The following ADGRL2 variants were observed in gnomAD, a reference collection of about 807,000 sequenced individuals.
ADGRL2 encodes calcium-independent alpha-latrotoxin receptor 2.
A neutral mutation model predicts 157.4 loss-of-function variants in ADGRL2; 44 were observed. The ratio of observed to expected loss-of-function variants is 0.28; its 90% CI spans 0.22 to 0.36. The LOEUF is 0.36. ADGRL2 is among the 10% of genes least tolerant of loss of function. The pLI is 1.00. For missense variants in ADGRL2, 1,510 were observed against 1,768.9 expected (o/e 0.85, Z 2.63); for synonymous variants, 585 against 624.7 (o/e 0.94, Z 0.95).
intron 2 of ADGRL2, among the ~76,000 whole-genome samples, chr1:81,560,368 A>G (rs558125797): frequency 4.8e-4 from 73 of 152,302 alleles, no homozygotes; most frequent in Non-Finnish European, 8.2e-4. Context: ...AAAATAGGAA[A>G]ACTATAGCCT....
chr1:81,786,163 T>C (rs1200228765), intron 2 of ADGRL2, among the ~76,000 whole-genome samples: 3 of 152,142 alleles, frequency 2.0e-5, no homozygotes, highest in African/African-American at 7.2e-5. Context: ...TGTTGGCCTA[T>C]AATCATGCTA....
intron 18 of ADGRL2, chr1:81,981,172 G>T: frequency 2.6e-6 from 1 of 381,228 alleles, no homozygotes; most frequent in South Asian, 2.3e-5. Context: ...AGTTAGACAT[G>T]GAATGCACTG....
chr1:81,849,859 A>G (rs2092934469), intron 2 of ADGRL2, among the ~76,000 whole-genome samples: 1 of 151,944 alleles, frequency 6.6e-6, no homozygotes, highest in Admixed American at 6.6e-5. Context: ...GCATAGATTT[A>G]GAAGATAAAT....
rs533352900 is a variant in ADGRL2 at position 81,561,815 on chromosome 1, A to G, written c.-247-19061A>G. ...ATATCACTTTGATTATAGGATTTTC[A>G]TGAAACAATTACTGCTCTATGTCCT... On this transcript the variant is annotated intron_variant, in intron 2 of 24. Coordinates refer to the ADGRL2 transcript ENST00000370721. Among the ~76,000 whole-genome samples the G allele has an allele frequency of 2.6e-5, 4 of 152,210 alleles. No homozygotes were observed. The East Asian group carries it at 7.7e-4, about 29-fold the overall frequency.
At chr1:81,817,666 A>G (rs192955935) in intron 1 of ADGRL2, among the ~76,000 whole-genome samples, 3 of 152,224 alleles carry the variant, frequency 2.0e-5, no homozygotes, top group Admixed American at 2.0e-4. Context: ...TTTTATTTAT[A>G]GGGTGTAATA....
intron 2 of ADGRL2, among the ~76,000 whole-genome samples, chr1:81,523,428 CAGAG>C (rs1415169725): frequency 2.0e-5 from 3 of 151,290 alleles, no homozygotes; most frequent in Admixed American, 6.6e-5. Context: ...TACACACACA[CAGAG>C]AGAGAGAGAA....
chr1:81,762,521 A>T (rs1281938165), intron 2 of ADGRL2, among the ~76,000 whole-genome samples: 1 of 152,132 alleles, frequency 6.6e-6, no homozygotes, highest in Non-Finnish European at 1.5e-5. Flanking sequence ...GTGTAAAATG[A>T]TATTTCCTAG....
At chr1:81,902,879 T>C (rs190713916) in intron 2 of ADGRL2, among the ~76,000 whole-genome samples, 2 of 152,240 alleles carry the variant, frequency 1.3e-5, no homozygotes. Flanking sequence ...CATGGACTTT[T>C]GAAAATTATT....
At chr1:81,405,179 G>T (rs988447712) in intron 1 of ADGRL2, among the ~76,000 whole-genome samples, 1 of 152,140 alleles carries the variant, frequency 6.6e-6, no homozygotes, top group African/African-American at 2.4e-5. Flanking sequence ...TGCCCACTCT[G>T]AGGAGCAGCA....
In ADGRL2 at chr1:81,679,213, G is replaced by A. The variant is rs773280848; in HGVS notation, c.-142-82598G>A. Among the ~76,000 whole-genome samples the A allele has an allele frequency of 2.1e-4, 32 of 152,242 alleles. 1 individual carries two copies. The highest frequency in any genetic ancestry group is 3.4e-4 in the Non-Finnish European group (23 of 68,008). On this transcript the variant is annotated intron_variant, in intron 3 of 24. Coordinates refer to the ADGRL2 transcript ENST00000370721. The stretch of plus-strand genomic sequence containing the variant: ...GTAAGAAAAATGGGAGGTGTAAGAG[G>A]AGTCAGTGTTTCCATAAGGGGAATA...
intron 3 of ADGRL2, among the ~76,000 whole-genome samples, chr1:81,654,445 G>T (rs1030443775): frequency 1.3e-5 from 2 of 152,054 alleles, no homozygotes; most frequent in Admixed American, 1.3e-4. Context: ...TGCGGTGAAG[G>T]TCTAATTGGT....
intron 2 of ADGRL2, among the ~76,000 whole-genome samples, chr1:81,794,874 C>A (rs543582379): frequency 6.6e-6 from 1 of 152,246 alleles, no homozygotes; most frequent in African/African-American, 2.4e-5. Flanking sequence ...TGCTGTTCTA[C>A]TTTCCAGATG....
At chr1:81,381,065 A>T (rs745917055) in intron 1 of ADGRL2, among the ~76,000 whole-genome samples, 1 of 152,022 alleles carries the variant, frequency 6.6e-6, no homozygotes, top group Admixed American at 6.5e-5. Context: ...TTGGAACTAT[A>T]TTTGTAATTT....
chr1:81,422,553 T>C (rs957725382), intron 1 of ADGRL2, among the ~76,000 whole-genome samples: 1 of 152,232 alleles, frequency 6.6e-6, no homozygotes, highest in African/African-American at 2.4e-5. Flanking sequence ...CCAAATGTAT[T>C]TTTTCATTGC....
At chr1:81,533,097 G>A (rs1174123325) in intron 2 of ADGRL2, among the ~76,000 whole-genome samples, 1 of 151,688 alleles carries the variant, frequency 6.6e-6, no homozygotes, top group Admixed American at 6.6e-5. Flanking sequence ...AAAAATGGGT[G>A]GCCAGGTGTG....
intron 1 of ADGRL2, among the ~76,000 whole-genome samples, chr1:81,726,929 G>T (rs1173643874): frequency 6.6e-6 from 1 of 152,104 alleles, no homozygotes; most frequent in Non-Finnish European, 1.5e-5. Flanking sequence ...TCTTTCAGAG[G>T]ATATTTTAAA....
At chr1:81,723,113 C>CCTA in intron 1 of ADGRL2, 1 of 675,594 alleles carries the variant, frequency 1.5e-6, no homozygotes, top group Non-Finnish European at 2.7e-6. Context: ...GGAAAAGCAA[C>CCTA]CTAGATTACC....
intron 13 of ADGRL2, among the ~76,000 whole-genome samples, chr1:81,967,735 G>GA (rs1657559223): frequency 1.3e-5 from 2 of 151,932 alleles, no homozygotes. Context: ...TATCAGAAAG[G>GA]AAAAAAGATT....
chr1:81,510,358 G>GT (rs2079053529), intron 2 of ADGRL2, among the ~76,000 whole-genome samples: 1 of 152,106 alleles, frequency 6.6e-6, no homozygotes, highest in African/African-American at 2.4e-5. Flanking sequence ...TTTTTTCATC[G>GT]TAAGGATGGT....
Sources: gnomAD v4.1 joint callset for allele counts (sites outside exome capture counted in the v4.1 genomes callset) on GRCh38, gnomAD v4.1.1 for gene constraint, MANE v1.5 for transcripts, NCBI Gene and HGNC (gene_info 2026-07-23, HGNC 2026-07-21) for gene names.